Variants in ABCA13 observed in about 807,000 individuals in gnomAD.
The protein encoded by ABCA13 is ATP binding cassette subfamily A member 13.
ABCA13 carries 476 observed loss-of-function variants against 478.7 expected under a neutral mutation model. The observed-to-expected ratio is 0.99, with a 90% CI of 0.92 to 1.07. ABCA13 has a LOEUF of 1.07. ABCA13 is among the 50% of genes least tolerant of loss of function. ABCA13 has a pLI of 0.00. For synonymous variants in ABCA13, 2,252 were observed against 2,158.9 expected, an observed-to-expected ratio of 1.04 and a Z score of -1.20; for missense variants, 6,060 against 5,910.6, an observed-to-expected ratio of 1.03 and a Z score of -0.83.
intron 15 of ABCA13, among the ~76,000 whole-genome samples, chr7:48,264,018 G>C (rs1176568111): frequency 6.6e-6 from 1 of 151,878 alleles, no homozygotes; most frequent in African/African-American, 2.4e-5. Context: ...TTTTCATTTT[G>C]TAGAGATTTT....
In ABCA13 at chr7:48,317,195, T is replaced by C. The variant is rs1225363302; in HGVS notation, c.9898T>C (p.Leu3300=). ...CLKLYQEILQ[L]PNGALVWTFL... ...GAAGCTTTATCAGGAAATTCTACAA[T>C]TGCCAAATGGTGCTTTGGTGTGGAC... Residue 3300 remains leucine (L), a synonymous_variant, in exon 27 of 62, where the codon TTG becomes CTG. Coordinates refer to ENST00000435803, the MANE Select transcript of ABCA13 (RefSeq NM_152701.5). The C allele has an allele frequency of 1.2e-6, 2 of 1,613,216 alleles. No homozygotes were observed. The highest frequency in any genetic ancestry group is 2.2e-5 in the South Asian group (2 of 90,782).
At chr7:48,449,608 C>T (rs1824740099) in intron 42 of ABCA13, among the ~76,000 whole-genome samples, 1 of 152,182 alleles carries the variant, frequency 6.6e-6, no homozygotes, top group Admixed American at 6.5e-5. Flanking sequence ...TAGTACCCAT[C>T]TTAATGGTGT....
In ABCA13 at chr7:48,279,828, T is replaced by C; in HGVS notation, c.8634T>C (p.Tyr2878=). The C allele has an allele frequency of 6.3e-7, 1 of 1,589,640 alleles. No homozygotes were observed. The highest frequency in any genetic ancestry group is 8.5e-7 in the Non-Finnish European group (1 of 1,171,336). Residue 2878 remains tyrosine, a synonymous_variant, in exon 18 of 62, where the codon TAT becomes TAC. Coordinates refer to ENST00000435803, the MANE Select transcript of ABCA13 (RefSeq NM_152701.5). ...AGAAAGAGATGATTGACTTTCCTTA[T>C]AGTTTCAAACCATTTTTCTGTTTGG... ...RTKKEMIDFP[Y]SFKPFFCLEK... is the part of the protein sequence containing the mutation.
Position 48,473,616 on chromosome 7 carries a change from T to C in ABCA13, c.12975+2017T>C, listed in dbSNP as rs141460410. On this transcript the variant is annotated intron_variant, in intron 45 of 61. Coordinates refer to ENST00000435803, the MANE Select transcript of ABCA13 (RefSeq NM_152701.5). ...TACAAAAGTCGTTTGTCAGGGATTC[T>C]CACTGGCATTGTTAGGTTACTTTAT... Among the ~76,000 whole-genome samples, 672 of 152,310 alleles carry C rather than the reference T, an allele frequency of 4.4e-3. 4 individuals carry two copies. Among genetic ancestry groups the C allele is most frequent in the African/African-American group, 0.015 (611 of 41,560 alleles).
At chr7:48,611,229 C>T (rs571772092) in intron 58 of ABCA13, among the ~76,000 whole-genome samples, 1 of 152,310 alleles carries the variant, frequency 6.6e-6, no homozygotes, top group African/African-American at 2.4e-5. Context: ...TCTCCTCACC[C>T]TTGACTTATT....
intron 3 of ABCA13, among the ~76,000 whole-genome samples, chr7:48,214,962 G>T (rs1786223418): frequency 6.6e-6 from 1 of 152,098 alleles, no homozygotes; most frequent in Non-Finnish European, 1.5e-5. Context: ...TGGTGAAAAA[G>T]TCCTAGCTTT....
intron 7 of ABCA13, among the ~76,000 whole-genome samples, chr7:48,231,161 T>A (rs1454590327): frequency 6.7e-6 from 1 of 149,374 alleles, no homozygotes; most frequent in East Asian, 1.9e-4. Context: ...ATCCCGGAAC[T>A]TAAAGTTAAA....
chr7:48,405,504 G>T (rs1818148886), intron 39 of ABCA13, among the ~76,000 whole-genome samples: 1 of 152,232 alleles, frequency 6.6e-6, no homozygotes, highest in Non-Finnish European at 1.5e-5. Flanking sequence ...TCAAAAGATT[G>T]ATTAAATTTT....
At chr7:48,587,097 T>A (rs1292429114) in intron 56 of ABCA13, 57 bp from the exon 57 acceptor site, 39 of 1,604,828 alleles carry the variant, frequency 2.4e-5, no homozygotes, top group Non-Finnish European at 3.3e-5. Flanking sequence ...TGAGACCAGC[T>A]GTCTGGTGGG....
chr7:48,310,912 T>C (rs1420676908), intron 24 of ABCA13, among the ~76,000 whole-genome samples: 1 of 152,158 alleles, frequency 6.6e-6, no homozygotes, highest in Non-Finnish European at 1.5e-5. Context: ...CTTCTCCTCC[T>C]TCTGGCCTCT....
intron 48 of ABCA13, among the ~76,000 whole-genome samples, chr7:48,490,077 TTCAA>T (rs1563342322): frequency 6.6e-6 from 1 of 152,242 alleles, no homozygotes; most frequent in Non-Finnish European, 1.5e-5. Flanking sequence ...CTCACTTTAT[TTCAA>T]TCATACTTTA....
At chr7:48,325,526 T>C (rs1050348365) in intron 27 of ABCA13, among the ~76,000 whole-genome samples, 6 of 152,182 alleles carry the variant, frequency 3.9e-5, no homozygotes, top group Non-Finnish European at 5.9e-5. Flanking sequence ...CTTGACATAT[T>C]GAAGAAATCT....
At chr7:48,391,330 C>T (rs769828997) in intron 37 of ABCA13, among the ~76,000 whole-genome samples, 12 of 152,192 alleles carry the variant, frequency 7.9e-5, no homozygotes, top group Non-Finnish European at 1.8e-4. Flanking sequence ...CTATAATGCT[C>T]TATGATTGCA....
chr7:48,585,350 CT>C (rs1469681176), intron 56 of ABCA13, among the ~76,000 whole-genome samples: 2 of 152,186 alleles, frequency 1.3e-5, no homozygotes, highest in African/African-American at 2.4e-5. Flanking sequence ...AGACCAACTA[CT>C]GGCCTTGAGA....
intron 1 of ABCA13, among the ~76,000 whole-genome samples, chr7:48,176,788 C>T (rs529150000): frequency 9.9e-5 from 15 of 152,252 alleles, no homozygotes; most frequent in Admixed American, 8.5e-4. Flanking sequence ...AGATAACTAC[C>T]TTGGAAATCA....
intron 16 of ABCA13, 27 bp from the exon 17 acceptor site, chr7:48,271,760 A>G: frequency 2.5e-6 from 3 of 1,211,406 alleles, no homozygotes; most frequent in Non-Finnish European, 2.1e-6. Context: ...TTTATTTTAT[A>G]CTAAAATAAT....
chr7:48,439,005 T>A (rs12718273), intron 42 of ABCA13, among the ~76,000 whole-genome samples: 5,029 of 152,158 alleles, frequency 0.033, 133 homozygotes, highest in South Asian at 0.13. Flanking sequence ...CTTACTTTTT[T>A]AATATTTGTT....
intron 15 of ABCA13, among the ~76,000 whole-genome samples, chr7:48,267,723 A>G (rs1795053776): frequency 1.3e-5 from 2 of 152,166 alleles, no homozygotes; most frequent in African/African-American, 4.8e-5. Context: ...AAACCATTTT[A>G]TGTGATTAAT....
At chr7:48,578,656 C>G (rs1375417325) in intron 55 of ABCA13, among the ~76,000 whole-genome samples, 1 of 152,042 alleles carries the variant, frequency 6.6e-6, no homozygotes, top group Admixed American at 6.6e-5. Context: ...TTAACACAAC[C>G]CCAATCAAAA....
Sources: gnomAD v4.1 joint callset for allele counts (sites outside exome capture counted in the v4.1 genomes callset) on GRCh38, gnomAD v4.1.1 for gene constraint, MANE v1.5 for transcripts, NCBI Gene and HGNC (gene_info 2026-07-23, HGNC 2026-07-21) for gene names.